The following PYGL variants were observed in gnomAD, a reference collection of about 807,000 sequenced individuals.
PYGL encodes the protein glycogen phosphorylase, liver form.
A neutral mutation model predicts 100.1 loss-of-function variants in PYGL; 90 were observed. The ratio of observed to expected loss-of-function variants is 0.90; its 90% CI spans 0.76 to 1.07. The LOEUF (loss-of-function observed/expected upper bound fraction) is 1.07. PYGL is among the 50% of genes least tolerant of loss of function. PYGL has a pLI of 0.00. For missense variants in PYGL, 1,016 were observed against 1,057.6 expected (o/e 0.96, Z 0.55); for synonymous variants, 373 against 393.0 (o/e 0.95, Z 0.60).
In PYGL at chr14:50,944,011, C is replaced by T; in HGVS notation, c.243+150G>A. The T allele has an allele frequency of 5.4e-6, 6 of 1,116,362 alleles. No homozygotes were observed. In the South Asian group the frequency reaches 9.0e-5, roughly 17 times the overall value. 69.2% of individuals were successfully genotyped at this position (1,116,362 alleles called of 1,614,324 possible). The stretch of plus-strand genomic sequence containing the variant: ...CTAATCTGTCCCCCAGGCTGCCCGC[C>T]CACAGCCTAGACACGTCTCCTCTGG... On this transcript the variant is annotated intron_variant, in intron 1 of 19. Coordinates refer to ENST00000216392, the MANE Select transcript of PYGL (RefSeq NM_002863.5).
intron 10 of PYGL, 134 bp downstream of exon 10, chr14:50,915,691 A>G: frequency 7.0e-7 from 1 of 1,425,648 alleles, no homozygotes; most frequent in Admixed American, 2.0e-5. Context: ...CCTTTGTTGG[A>G]GCCCCGTTCG....
rs1187171204 is a variant in PYGL, at chr14:50,937,807, T to A, written c.274A>T (p.Met92Leu). 6.2e-7 allele frequency: 1 copy of A among 1,613,996 alleles called. No individual in the cohort carries two copies. Among genetic ancestry groups the A allele is most frequent in the Non-Finnish European group, 8.5e-7 (1 of 1,179,900 alleles). ...RVYYLSLEFY[M>L]GRTLQNTMIN... ...ATGGTGTTCTGTAATGTTCGGCCCA[T>A]GTAAAATTCCAGAGAGAGGTAATAT... is the stretch of plus-strand genomic sequence containing the variant. The change falls in exon 2 of 20, where the codon ATG becomes TTG. Residue 92 changes from methionine (M) to leucine (L), a missense_variant. Met to Leu is a conservative substitution (Grantham distance 15, BLOSUM62 2). Transcript: ENST00000216392.
chr14:50,912,348 A>C lies in PYGL; in HGVS notation c.1621-45T>G, dbSNP rs371447683. The C allele has an allele frequency of 4.4e-5, 71 of 1,603,096 alleles. No individual in the cohort carries two copies. In the African/African-American group the frequency reaches 8.4e-4, roughly 19 times the overall value. ...TGCCAGAGCTCTTTTGGCCTAGAAG[A>C]ATTGGGTGGTCTGGTTTTTCTTTTT... On this transcript the variant is annotated intron_variant, in intron 13 of 19. Transcript: ENST00000216392.
At chr14:50,936,283 T>G (rs148961847) in intron 2 of PYGL, among the ~76,000 whole-genome samples, 2 of 152,322 alleles carry the variant, frequency 1.3e-5, no homozygotes, top group African/African-American at 4.8e-5. Flanking sequence ...ATGTGGAAGA[T>G]GCACCAGTGC....
intron 4 of PYGL, among the ~76,000 whole-genome samples, chr14:50,924,444 C>G (rs960464973): frequency 1.3e-5 from 2 of 152,202 alleles, no homozygotes; most frequent in Admixed American, 6.5e-5. Context: ...TCTGTCTTAA[C>G]GTCTGTGAAT....
intron 15 of PYGL, 40 bp from the exon 16 acceptor site, chr14:50,911,911 C>T (rs1043491093): frequency 6.2e-7 from 1 of 1,614,024 alleles, no homozygotes; most frequent in Non-Finnish European, 8.5e-7. Context: ...AGAAGGCAGC[C>T]ATGATGAAGT....
intron 5 of PYGL, among the ~76,000 whole-genome samples, chr14:50,922,555 A>G (rs2050511768): frequency 6.6e-6 from 1 of 152,224 alleles, no homozygotes; most frequent in African/African-American, 2.4e-5. Flanking sequence ...AAGGCAGCCC[A>G]AGAAGTGCAC....
rs999162918 is a variant in PYGL, at chr14:50,944,242, G to A, written c.162C>T (p.Phe54=). 5 of 1,613,582 alleles carry A rather than the reference G, an allele frequency of 3.1e-6. No homozygotes were observed. The South Asian group carries it at 3.3e-5, about 11-fold the overall frequency. Residue 54 remains phenylalanine, a synonymous_variant, in exon 1 of 20, where the codon TTC becomes TTT. Transcript: ENST00000216392. ...RNVATTRDYY[F]ALAHTVRDHL... Reference sequence around the variant, plus strand: ...GGTCGCGCACCGTGTGCGCCAGCGCGAAGTAGTAGTCGCGGGTGGTGGCCA... The same window carrying A: ...GGTCGCGCACCGTGTGCGCCAGCGCAAAGTAGTAGTCGCGGGTGGTGGCCA...
intron 2 of PYGL, among the ~76,000 whole-genome samples, chr14:50,935,853 C>A (rs1051619281): frequency 6.6e-6 from 1 of 152,326 alleles, no homozygotes; most frequent in East Asian, 1.9e-4. Flanking sequence ...TGACAGCAGG[C>A]AGGGAAACTG....
At chr14:50,908,410 G>A in intron 18 of PYGL, 73 bp from the exon 19 acceptor site, 2 of 1,335,300 alleles carry the variant, frequency 1.5e-6, no homozygotes, top group African/African-American at 1.4e-5. Flanking sequence ...AAAATTCCAT[G>A]TAAAATCATC....
At chr14:50,939,630 A>T (rs1304319381) in intron 1 of PYGL, among the ~76,000 whole-genome samples, 2 of 152,024 alleles carry the variant, frequency 1.3e-5, no homozygotes, top group African/African-American at 4.8e-5. Flanking sequence ...CTTTTACAAT[A>T]TCTTATTCTC....
At chr14:50,920,440 G>A in intron 7 of PYGL, 101 bp downstream of exon 7, 1 of 1,171,080 alleles carries the variant, frequency 8.5e-7, no homozygotes, top group Non-Finnish European at 1.3e-6. Context: ...TTCTGCACAT[G>A]GAAAAACATC....
At chr14:50,930,600 C>T (rs2050593382) in intron 4 of PYGL, among the ~76,000 whole-genome samples, 1 of 152,154 alleles carries the variant, frequency 6.6e-6, no homozygotes, top group Non-Finnish European at 1.5e-5. Context: ...TTAGTTCCTC[C>T]CTTTTTTGGT....
chr14:50,926,500 G>T (rs2050548866), intron 4 of PYGL, among the ~76,000 whole-genome samples: 1 of 151,584 alleles, frequency 6.6e-6, no homozygotes, highest in Non-Finnish European at 1.5e-5. Context: ...GGCCGAGGTG[G>T]GCTGATCATG....
At chr14:50,932,151 C>A (rs914319568) in intron 3 of PYGL, among the ~76,000 whole-genome samples, 1 of 152,148 alleles carries the variant, frequency 6.6e-6, no homozygotes, top group African/African-American at 2.4e-5. Flanking sequence ...TCTCTATCCT[C>A]CCCTAAGACT....
intron 4 of PYGL, among the ~76,000 whole-genome samples, chr14:50,927,762 C>A (rs8022952): frequency 6.6e-6 from 1 of 151,992 alleles, no homozygotes; most frequent in Non-Finnish European, 1.5e-5. Context: ...GAGAAACAAG[C>A]GTTTCATAAC....
At chr14:50,924,958 T>C (rs576485145) in intron 4 of PYGL, among the ~76,000 whole-genome samples, 2 of 152,336 alleles carry the variant, frequency 1.3e-5, no homozygotes, top group Admixed American at 1.3e-4. Context: ...ATTTTTAAAT[T>C]ATTGAAACCT....
intron 4 of PYGL, among the ~76,000 whole-genome samples, chr14:50,927,268 A>G (rs921242656): frequency 1.3e-5 from 2 of 152,288 alleles, no homozygotes; most frequent in Non-Finnish European, 1.5e-5. Flanking sequence ...TCTGTCGCCC[A>G]GGCTGGAGTC....
chr14:50,925,943 T>C (rs1358336277), intron 4 of PYGL, among the ~76,000 whole-genome samples: 1 of 152,130 alleles, frequency 6.6e-6, no homozygotes, highest in African/African-American at 2.4e-5. Context: ...GGCCTGAAAT[T>C]CTGCATTCCT....
Sources: gnomAD v4.1 joint callset for allele counts (sites outside exome capture counted in the v4.1 genomes callset) on GRCh38, gnomAD v4.1.1 for gene constraint, MANE v1.5 for transcripts, NCBI Gene and HGNC (gene_info 2026-07-23, HGNC 2026-07-21) for gene names.